Variants in TLE4 observed in about 807,000 individuals in gnomAD.
The protein encoded by TLE4 is transducin-like enhancer protein 4.
Under a neutral mutation model 92.8 loss-of-function variants are expected in TLE4, and 8 were observed. The ratio of observed to expected loss-of-function variants is 0.09; its 90% CI spans 0.05 to 0.16. TLE4 has a LOEUF of 0.16. Among genes scored for constraint, TLE4 ranks in the 10% least tolerant of loss-of-function variants. The pLI, the probability that TLE4 is intolerant of heterozygous loss-of-function variation, is 1.00. For synonymous variants in TLE4, 371 were observed against 374.1 expected, an observed-to-expected ratio of 0.99 and a Z score of 0.10; for missense variants, 675 against 997.6, an observed-to-expected ratio of 0.68 and a Z score of 4.36.
chr9:79,572,543 CCGGACAATGCCCGCGG>C lies in TLE4; in HGVS notation c.-244_-229del, dbSNP rs2036085312. On this transcript the variant is annotated 5_prime_UTR_variant, in exon 1 of 20. An upstream start codon of the reference 5' UTR is lost. Coordinates refer to ENST00000376552, the MANE Select transcript of TLE4 (RefSeq NM_007005.6). ...GGAGCGTTGCCTTGGGAGACGCGCG[CCGGACAATGCCCGCGG>C]CGGGCCAGTGACGCCCGCGGGGAAT... 6.0e-6 allele frequency: 1 copy of C among 166,606 alleles called. No individual in the cohort carries two copies. The highest frequency in any genetic ancestry group is 6.4e-5 in the Admixed American group (1 of 15,660). 10.3% of individuals were successfully genotyped at this position (166,606 alleles called of 1,614,324 possible). A position where few individuals can be genotyped will look rare whatever the true frequency, so the allele number is the denominator to read the frequency against.
At chr9:79,635,050 T>G (rs2055354418) in intron 6 of TLE4, among the ~76,000 whole-genome samples, 1 of 152,192 alleles carries the variant, frequency 6.6e-6, no homozygotes, top group East Asian at 1.9e-4. Context: ...GACATACTGT[T>G]TCTCAGAGTG....
intron 5 of TLE4, among the ~76,000 whole-genome samples, chr9:79,621,309 A>G (rs557856271): frequency 4.6e-5 from 7 of 152,184 alleles, no homozygotes; most frequent in Non-Finnish European, 1.0e-4. Context: ...AGCCAGAAGG[A>G]TGGATGAGTG....
intron 2 of TLE4, among the ~76,000 whole-genome samples, chr9:79,574,580 A>G (rs1283346779): frequency 1.3e-5 from 2 of 152,206 alleles, no homozygotes; most frequent in Non-Finnish European, 2.9e-5. Flanking sequence ...TATTAAGTGA[A>G]TATTCAATTC....
chr9:79,662,760 A>G (rs1008498157), intron 8 of TLE4, among the ~76,000 whole-genome samples: 4 of 152,194 alleles, frequency 2.6e-5, no homozygotes, highest in Non-Finnish European at 5.9e-5. Flanking sequence ...CCGTGCCACA[A>G]AAGGGCTGGT....
chr9:79,623,630 T>G (rs193296414), intron 5 of TLE4, among the ~76,000 whole-genome samples: 1 of 152,040 alleles, frequency 6.6e-6, no homozygotes, highest in Non-Finnish European at 1.5e-5. Flanking sequence ...AATTCCCTAG[T>G]TTTAAGTGTA....
In TLE4 at chr9:79,708,584, G is replaced by C; in HGVS notation, c.1070-9G>C. 1 of 1,604,258 alleles carries C rather than the reference G, an allele frequency of 6.2e-7. No individual in the cohort carries two copies. The highest frequency in any genetic ancestry group is 8.5e-7 in the Non-Finnish European group (1 of 1,174,566). ...TCTTCATTTTTCTTCCATCCATTTT[G>C]GTTTGCAGCCTCAAGCCTAAGGACC... On this transcript the variant is annotated splice_polypyrimidine_tract_variant and intron_variant, in intron 12 of 19. Coordinates refer to ENST00000376552, the MANE Select transcript of TLE4 (RefSeq NM_007005.6).
At chr9:79,669,438 C>A (rs556515043) in intron 8 of TLE4, among the ~76,000 whole-genome samples, 1 of 152,114 alleles carries the variant, frequency 6.6e-6, no homozygotes, top group East Asian at 1.9e-4. Flanking sequence ...ATTAAAATGT[C>A]TTTTGGAAGA....
At chr9:79,631,994 A>G (rs1269403685) in intron 6 of TLE4, among the ~76,000 whole-genome samples, 2 of 152,062 alleles carry the variant, frequency 1.3e-5, no homozygotes, top group Non-Finnish European at 2.9e-5. Flanking sequence ...TTTTTTTACA[A>G]AAGTATTCTT....
intron 6 of TLE4, among the ~76,000 whole-genome samples, chr9:79,639,782 G>T (rs937680201): frequency 6.6e-6 from 1 of 152,052 alleles, no homozygotes; most frequent in Non-Finnish European, 1.5e-5. Flanking sequence ...TGTGTAGTAG[G>T]TTATACCATC....
intron 4 of TLE4, among the ~76,000 whole-genome samples, chr9:79,606,184 G>GTTTTTTTTTTTTT (rs1288414778): frequency 3.3e-4 from 6 of 18,374 alleles, no homozygotes; most frequent in Admixed American, 1.3e-3. Context: ...AGCAGTAGTA[G>GTTTTTTTTTTTTT]TTGTTTTTTT....
chr9:79,582,640 T>A (rs1245253395), intron 4 of TLE4, among the ~76,000 whole-genome samples: 72 of 65,910 alleles, frequency 1.1e-3, no homozygotes. Flanking sequence ...TTAATGTGGC[T>A]TTTTTTTTTT....
At chr9:79,672,500 C>A (rs1481445782) in intron 8 of TLE4, among the ~76,000 whole-genome samples, 1 of 152,152 alleles carries the variant, frequency 6.6e-6, no homozygotes, top group East Asian at 1.9e-4. Flanking sequence ...CAGCTTCCTG[C>A]ATGACCTGTT....
chr9:79,677,022 G>T (rs1349241115), intron 8 of TLE4, among the ~76,000 whole-genome samples: 1 of 152,056 alleles, frequency 6.6e-6, no homozygotes, highest in Non-Finnish European at 1.5e-5. Flanking sequence ...AGGTATAATG[G>T]TATAAAATCC....
chr9:79,682,297 G>C (rs2064875046), intron 8 of TLE4, among the ~76,000 whole-genome samples: 1 of 152,096 alleles, frequency 6.6e-6, no homozygotes, highest in South Asian at 2.1e-4. Context: ...GTGTATTAAT[G>C]TTTGATTATA....
chr9:79,672,569 C>T (rs1374565910), intron 8 of TLE4, among the ~76,000 whole-genome samples: 1 of 152,106 alleles, frequency 6.6e-6, no homozygotes, highest in Non-Finnish European at 1.5e-5. Context: ...TCATTCTTAC[C>T]AACCGCCAGA....
intron 5 of TLE4, among the ~76,000 whole-genome samples, chr9:79,623,003 CTT>C (rs1186223957): frequency 2.0e-5 from 3 of 152,014 alleles, no homozygotes; most frequent in Admixed American, 6.6e-5. Flanking sequence ...CCCTTATACT[CTT>C]TTACTACCCC....
chr9:79,708,681 G>A lies in TLE4; in HGVS notation c.1158G>A (p.Leu386=). ...IVPHAGMNGE[L]TSPGAAYAGL... is the part of the protein sequence containing the mutation. ...CCCATGCTGGAATGAACGGAGAGCT[G>A]ACCAGCCCCGGAGCGGCCTACGCTG... The change falls in exon 13 of 20, where the codon CTG becomes CTA. Residue 386 remains leucine, a synonymous_variant. Coordinates refer to ENST00000376552, the MANE Select transcript of TLE4 (RefSeq NM_007005.6). The A allele has an allele frequency of 6.2e-7, 1 of 1,613,928 alleles. No homozygotes were observed. Among genetic ancestry groups the A allele is most frequent in the Non-Finnish European group, 8.5e-7 (1 of 1,180,026 alleles).
intron 6 of TLE4, among the ~76,000 whole-genome samples, chr9:79,638,962 G>T (rs55694999): frequency 6.6e-6 from 1 of 152,074 alleles, no homozygotes; most frequent in Non-Finnish European, 1.5e-5. Flanking sequence ...GGAGCTCTTT[G>T]CAGGCTTCCT....
chr9:79,681,804 C>CAGAG (rs150338789), intron 8 of TLE4, among the ~76,000 whole-genome samples: 7 of 117,070 alleles, frequency 6.0e-5, no homozygotes, highest in East Asian at 5.2e-4. Flanking sequence ...GAGAGGGAGA[C>CAGAG]AGAGAGAGAG....
Sources: allele counts gnomAD v4.1 joint callset (sites outside exome capture counted in the v4.1 genomes callset), GRCh38; gene constraint gnomAD v4.1.1; transcripts MANE v1.5; gene names NCBI Gene and HGNC (gene_info 2026-07-23, HGNC 2026-07-21).